The following SMAP1 variants were observed in gnomAD, a reference collection of about 807,000 sequenced individuals.
SMAP1 encodes the protein small ArfGAP 1, also known as stromal membrane-associated protein 1.
SMAP1 carries 24 observed loss-of-function variants against 58.5 expected under a neutral mutation model. The ratio of observed to expected loss-of-function variants is 0.41; its 90% CI spans 0.30 to 0.58. The LOEUF (loss-of-function observed/expected upper bound fraction) is 0.58, where lower values mean the gene tolerates loss of function less well. Among genes scored for constraint, SMAP1 ranks in the 20% least tolerant of loss-of-function variants. SMAP1 has a pLI of 0.29. For synonymous variants in SMAP1, 216 were observed against 196.6 expected (o/e 1.10, Z -0.82); for missense variants, 563 against 566.3 (o/e 0.99, Z 0.06).
intron 6 of SMAP1, among the ~76,000 whole-genome samples, chr6:70,802,523 G>T (rs1342479594): frequency 6.6e-6 from 1 of 152,030 alleles, no homozygotes; most frequent in Non-Finnish European, 1.5e-5. Context: ...TGATTGCTCT[G>T]GCCAGAACTT....
chr6:70,860,121 T>G lies in SMAP1; in HGVS notation c.1270-79T>G, dbSNP rs865999101. The stretch of plus-strand genomic sequence containing the variant: ...ACTAGTTGTCACATTAATGAAAAAA[T>G]GACCAACTGTGTGGCTAAAGAAACA... On this transcript the variant is annotated intron_variant, in intron 10 of 10. Coordinates refer to ENST00000370455, the MANE Select transcript of SMAP1 (RefSeq NM_001044305.3). 47 of 1,464,694 alleles carry G rather than the reference T, an allele frequency of 3.2e-5. No individual in the cohort carries two copies. In the Admixed American group the frequency reaches 3.5e-4, roughly 11 times the overall value. The allele number at this position is 1,464,694 out of a possible 1,614,324, so 90.7% of individuals were successfully genotyped here.
intron 10 of SMAP1, 156 bp from the exon 11 acceptor site, chr6:70,860,044 A>AC: frequency 1.4e-6 from 1 of 739,834 alleles, no homozygotes; most frequent in Non-Finnish European, 2.0e-6. Flanking sequence ...CAAAGTAGCT[A>AC]TTTGCTTTAA....
chr6:70,769,323 G>A (rs1320023173), intron 3 of SMAP1, among the ~76,000 whole-genome samples: 7 of 152,198 alleles, frequency 4.6e-5, no homozygotes, highest in East Asian at 3.9e-4. Flanking sequence ...TTTCTGTCTC[G>A]TTGATCTGTC....
intron 4 of SMAP1, among the ~76,000 whole-genome samples, chr6:70,788,438 CTTA>C (rs954553089): frequency 2.0e-5 from 3 of 151,706 alleles, no homozygotes; most frequent in African/African-American, 7.3e-5. Flanking sequence ...TACCCTACAA[CTTA>C]AAGTGTAATC....
At chr6:70,757,638 T>A (rs1182673628) in intron 3 of SMAP1, among the ~76,000 whole-genome samples, 2 of 151,540 alleles carry the variant, frequency 1.3e-5, no homozygotes, top group Non-Finnish European at 2.9e-5. Flanking sequence ...AGGGCTAATA[T>A]CCAGAATCTA....
chr6:70,738,555 G>C (rs1163979538), intron 2 of SMAP1, among the ~76,000 whole-genome samples: 1 of 151,334 alleles, frequency 6.6e-6, no homozygotes, highest in Non-Finnish European at 1.5e-5. Context: ...ACTTAACTTA[G>C]CAATACCTAT....
intron 2 of SMAP1, among the ~76,000 whole-genome samples, chr6:70,735,910 G>T (rs1765599862): frequency 6.6e-6 from 1 of 151,962 alleles, no homozygotes; most frequent in African/African-American, 2.4e-5. Flanking sequence ...TACTGTTTTG[G>T]CTAGCTCTAT....
intron 3 of SMAP1, among the ~76,000 whole-genome samples, chr6:70,771,062 C>A (rs865891667): frequency 6.6e-6 from 1 of 152,132 alleles, no homozygotes; most frequent in Non-Finnish European, 1.5e-5. Flanking sequence ...TACAGGACAG[C>A]GGATTTTCGT....
chr6:70,809,067 CT>C (rs1403241270), intron 6 of SMAP1, among the ~76,000 whole-genome samples: 1 of 151,990 alleles, frequency 6.6e-6, no homozygotes, highest in Non-Finnish European at 1.5e-5. Flanking sequence ...AATAATGTCT[CT>C]TGTGCAGATA....
At chr6:70,785,273 A>G (rs1767960048) in intron 4 of SMAP1, among the ~76,000 whole-genome samples, 1 of 152,228 alleles carries the variant, frequency 6.6e-6, no homozygotes, top group Non-Finnish European at 1.5e-5. Flanking sequence ...AAGACACAAC[A>G]TACCAGAATC....
At chr6:70,836,742 A>G (rs1479419209) in intron 6 of SMAP1, among the ~76,000 whole-genome samples, 199 bp from the exon 7 acceptor site, 1 of 152,228 alleles carries the variant, frequency 6.6e-6, no homozygotes, top group Non-Finnish European at 1.5e-5. Flanking sequence ...TGGGGTCCCA[A>G]TATGTGAGGA....
intron 7 of SMAP1, among the ~76,000 whole-genome samples, 190 bp from the exon 8 acceptor site, chr6:70,852,350 G>A (rs1374805322): frequency 6.6e-6 from 1 of 152,138 alleles, no homozygotes; most frequent in Non-Finnish European, 1.5e-5. Flanking sequence ...GAATATTTCT[G>A]GGGGAATCAA....
chr6:70,792,461 G>T (rs1311502813), intron 5 of SMAP1, among the ~76,000 whole-genome samples: 1 of 150,774 alleles, frequency 6.6e-6, no homozygotes. Context: ...GCAAGATATA[G>T]CCCCTGCCCT....
chr6:70,772,785 C>T (rs1459551718), intron 3 of SMAP1: 2 of 152,144 alleles, frequency 1.3e-5, no homozygotes, highest in African/African-American at 4.8e-5. Context: ...CATGTGGAAT[C>T]CTATATGATG....
intron 2 of SMAP1, among the ~76,000 whole-genome samples, chr6:70,742,016 C>A (rs1472502324): frequency 6.6e-6 from 1 of 152,204 alleles, no homozygotes; most frequent in Non-Finnish European, 1.5e-5. Context: ...AGCAGGGGGC[C>A]CTGGCCCTGG....
chr6:70,699,930 G>A (rs1767557510), intron 1 of SMAP1, among the ~76,000 whole-genome samples: 1 of 151,856 alleles, frequency 6.6e-6, no homozygotes, highest in Non-Finnish European at 1.5e-5. Context: ...GTAAGACAAA[G>A]TCCCCGTTAT....
intron 3 of SMAP1, among the ~76,000 whole-genome samples, chr6:70,756,531 A>G (rs112785549): frequency 8.5e-5 from 13 of 152,230 alleles, no homozygotes; most frequent in African/African-American, 3.1e-4. Flanking sequence ...TTGTGTGAGT[A>G]AAAGTATGGA....
At chr6:70,698,678 C>T (rs532038455) in intron 1 of SMAP1, among the ~76,000 whole-genome samples, 5 of 150,938 alleles carry the variant, frequency 3.3e-5, no homozygotes, top group African/African-American at 1.2e-4. Flanking sequence ...TGTTGAGAGA[C>T]TCTGACGCAT....
chr6:70,739,523 A>G (rs1765735821), intron 2 of SMAP1, among the ~76,000 whole-genome samples: 1 of 152,126 alleles, frequency 6.6e-6, no homozygotes, highest in Non-Finnish European at 1.5e-5. Context: ...GTGTTTAACT[A>G]TATATTTAAA....
Sources: gnomAD v4.1 joint callset for allele counts (sites outside exome capture counted in the v4.1 genomes callset) on GRCh38, gnomAD v4.1.1 for gene constraint, MANE v1.5 for transcripts, NCBI Gene and HGNC (gene_info 2026-07-23, HGNC 2026-07-21) for gene names.